Variants in ZNF536 observed in about 807,000 individuals in gnomAD.
ZNF536 encodes the protein zinc finger protein 536.
In ZNF536, 13 loss-of-function variants were observed where a neutral mutation model predicts 84.5. That is an observed-to-expected ratio of 0.15 (90% CI 0.10 to 0.24). ZNF536 has a LOEUF of 0.24. ZNF536 is among the 10% of genes least tolerant of loss of function. ZNF536 has a pLI of 1.00. For synonymous variants in ZNF536, 811 were observed against 742.5 expected (o/e 1.09, Z -1.50); for missense variants, 1,536 against 1,747.5 (o/e 0.88, Z 2.16).
intron 1 of ZNF536, among the ~76,000 whole-genome samples, chr19:30,602,953 C>T (rs1334948474): frequency 6.6e-6 from 1 of 152,176 alleles, no homozygotes; most frequent in African/African-American, 2.4e-5. Context: ...TACCCATCCC[C>T]CAGACAAACA....
chr19:30,490,752 T>C (rs1326067846), intron 2 of ZNF536, among the ~76,000 whole-genome samples: 1 of 152,220 alleles, frequency 6.6e-6, no homozygotes, highest in East Asian at 1.9e-4. Flanking sequence ...ATGTCAAGTA[T>C]TCGGGATTGC....
rs937426246 is a variant in ZNF536 at position 30,700,121 on chromosome 19, CCTGT to C, written c.170-10633_170-10630del. On this transcript the variant is annotated intron_variant, in intron 1 of 1. Transcript: ENST00000592773. ...TCCTTCCTTTCTTCCTCCCTCCCTC[CCTGT>C]CTCTTTCTTTCCCTTCCTTCCCTTC... Among the ~76,000 whole-genome samples the C allele has an allele frequency of 8.0e-5, 12 of 149,466 alleles. No homozygotes were observed. In the South Asian group the frequency reaches 8.6e-4, roughly 11 times the overall value.
intron 3 of ZNF536, among the ~76,000 whole-genome samples, chr19:30,365,278 C>G (rs190244009): frequency 3.9e-5 from 6 of 152,170 alleles, no homozygotes; most frequent in Middle Eastern, 3.4e-3. Context: ...TCTTTCTCTT[C>G]TTCATCTTTT....
intron 1 of ZNF536, among the ~76,000 whole-genome samples, chr19:30,675,258 A>C (rs921940447): frequency 6.6e-6 from 1 of 152,210 alleles, no homozygotes; most frequent in Non-Finnish European, 1.5e-5. Context: ...TGTTTCTGCC[A>C]TGTAAACAGG....
At chr19:30,524,810 T>C (rs978000446) in intron 2 of ZNF536, among the ~76,000 whole-genome samples, 1 of 152,176 alleles carries the variant, frequency 6.6e-6, no homozygotes, top group African/African-American at 2.4e-5. Flanking sequence ...TAGACATCTT[T>C]TGGGAATTTA....
intron 1 of ZNF536, among the ~76,000 whole-genome samples, chr19:30,674,433 T>G (rs1169659573): frequency 1.3e-5 from 2 of 152,186 alleles, no homozygotes; most frequent in Non-Finnish European, 2.9e-5. Flanking sequence ...GGTCCTACTC[T>G]CAGGTTAATT....
At chr19:30,346,291 A>G (rs1358487996) in intron 2 of ZNF536, among the ~76,000 whole-genome samples, 1 of 152,222 alleles carries the variant, frequency 6.6e-6, no homozygotes, top group Non-Finnish European at 1.5e-5. Context: ...AAACGCTGAC[A>G]AATCATATAT....
chr19:30,407,408 G>A (rs1400600952), intron 1 of ZNF536, among the ~76,000 whole-genome samples: 1 of 152,096 alleles, frequency 6.6e-6, no homozygotes, highest in Non-Finnish European at 1.5e-5. Context: ...GTCAGGGTGG[G>A]GGGCTCCCCA....
At chr19:30,511,807 G>A (rs1175973908) in intron 2 of ZNF536, among the ~76,000 whole-genome samples, 2 of 152,192 alleles carry the variant, frequency 1.3e-5, no homozygotes, top group Non-Finnish European at 2.9e-5. Flanking sequence ...GAGACCGTAT[G>A]CACGTTAATG....
chr19:30,585,051 G>A (rs545133734), intron 1 of ZNF536, among the ~76,000 whole-genome samples: 107 of 151,970 alleles, frequency 7.0e-4, no homozygotes, highest in African/African-American at 2.4e-3. Flanking sequence ...CTGTTGCCCT[G>A]GCTGGAATTC....
chr19:30,466,928 C>A (rs1283115511), intron 2 of ZNF536, among the ~76,000 whole-genome samples: 1 of 152,118 alleles, frequency 6.6e-6, no homozygotes, highest in Non-Finnish European at 1.5e-5. Context: ...GCAAACTCTG[C>A]CTTCTGGTTT....
In ZNF536 at chr19:30,363,862, G is replaced by C. The variant is rs1472101677; in HGVS notation, c.-3+11378G>C. Among the ~76,000 whole-genome samples the C allele has an allele frequency of 2.0e-5, 3 of 152,130 alleles. No homozygotes were observed. The East Asian group carries it at 5.8e-4, about 29-fold the overall frequency. Reference sequence around the variant, plus strand: ...AGGAAAATATTCACCAATCGAGATGGGAGAAGGCAAGAGAGAAGCTTCTTG... The same window carrying C: ...AGGAAAATATTCACCAATCGAGATGCGAGAAGGCAAGAGAGAAGCTTCTTG... On this transcript the variant is annotated intron_variant, in intron 3 of 5. Coordinates refer to the ZNF536 transcript ENST00000585628.
At chr19:30,454,664 G>A (rs950760579) in intron 2 of ZNF536, among the ~76,000 whole-genome samples, 2 of 152,204 alleles carry the variant, frequency 1.3e-5, no homozygotes, top group Non-Finnish European at 2.9e-5. Context: ...GAGAGAGAAG[G>A]CTTGGCAGTG....
chr19:30,231,992 A>G (rs2144660435), intron 1 of ZNF536, among the ~76,000 whole-genome samples: 1 of 152,310 alleles, frequency 6.6e-6, no homozygotes, highest in South Asian at 2.1e-4. Context: ...AGGAAATACA[A>G]AAGAAAATGC....
intron 3 of ZNF536, among the ~76,000 whole-genome samples, chr19:30,544,732 G>T (rs2045475020): frequency 1.3e-5 from 2 of 152,188 alleles, no homozygotes; most frequent in Non-Finnish European, 1.5e-5. Context: ...CAAACTGAAG[G>T]TTTCTGAGTC....
At chr19:30,349,371 A>G (rs2047855575) in intron 2 of ZNF536, among the ~76,000 whole-genome samples, 1 of 152,224 alleles carries the variant, frequency 6.6e-6, no homozygotes, top group Non-Finnish European at 1.5e-5. Flanking sequence ...CCCTGCAGTG[A>G]AGGCCGAATG....
chr19:30,657,118 A>C (rs1488691265), intron 1 of ZNF536, among the ~76,000 whole-genome samples: 1 of 152,112 alleles, frequency 6.6e-6, no homozygotes, highest in Non-Finnish European at 1.5e-5. Flanking sequence ...GCGTTTTCCC[A>C]GTGGTATGTC....
At chr19:30,649,388 A>G (rs1281135518) in intron 1 of ZNF536, among the ~76,000 whole-genome samples, 1 of 152,176 alleles carries the variant, frequency 6.6e-6, no homozygotes, top group East Asian at 1.9e-4. Context: ...TCTCACTAAT[A>G]TGCATGCAAT....
At chr19:30,571,606 G>A (rs2046548306) in intron 1 of ZNF536, among the ~76,000 whole-genome samples, 1 of 152,148 alleles carries the variant, frequency 6.6e-6, no homozygotes, top group Non-Finnish European at 1.5e-5. Flanking sequence ...CCCCTTCTTG[G>A]TGCTGGCCCT....
Sources: gnomAD v4.1 joint callset for allele counts (sites outside exome capture counted in the v4.1 genomes callset) on GRCh38, gnomAD v4.1.1 for gene constraint, MANE v1.5 for transcripts, NCBI Gene and HGNC (gene_info 2026-07-23, HGNC 2026-07-21) for gene names.